Variants in CENPW observed in about 807,000 individuals in gnomAD.
The protein encoded by CENPW is centromere protein W.
A neutral mutation model predicts 11.1 loss-of-function variants in CENPW; 3 were observed. That is an observed-to-expected ratio of 0.27 (90% CI 0.12 to 0.70). The LOEUF is 0.70. CENPW is among the 30% of genes least tolerant of loss of function. The pLI is 0.77. For synonymous variants in CENPW, 38 were observed against 42.0 expected (o/e 0.91, Z 0.37); for missense variants, 100 against 105.6 (o/e 0.95, Z 0.23).
chr6:126,478,236 G>C, the CENPW span, among the ~76,000 whole-genome samples: 2 of 151,954 alleles, frequency 1.3e-5, no homozygotes, highest in Non-Finnish European at 2.9e-5. Flanking sequence ...CAATCACAGT[G>C]ATTGGTCTAA....
At chr6:126,467,050 T>C in the CENPW span, among the ~76,000 whole-genome samples, 6 of 152,196 alleles carry the variant, frequency 3.9e-5, no homozygotes, top group Admixed American at 2.6e-4. Context: ...ATTAATATCA[T>C]TAAAATGGCC....
At chr6:126,354,217 C>T in the CENPW span, among the ~76,000 whole-genome samples, 36 of 152,052 alleles carry the variant, frequency 2.4e-4, no homozygotes. Context: ...GATGGCTAAG[C>T]ACCTTAATGT....
At chr6:126,440,708 C>T in the CENPW span, among the ~76,000 whole-genome samples, 1 of 151,324 alleles carries the variant, frequency 6.6e-6, no homozygotes, top group Non-Finnish European at 1.5e-5. Context: ...CAGATATATA[C>T]CTTCTAAAAA....
the CENPW span, among the ~76,000 whole-genome samples, chr6:126,443,277 C>G: frequency 6.6e-6 from 1 of 151,128 alleles, no homozygotes; most frequent in African/African-American, 2.4e-5. Flanking sequence ...CTAATTCTTC[C>G]TTGCAATTTA....
chr6:126,410,409 C>T, the CENPW span, among the ~76,000 whole-genome samples: 1 of 152,018 alleles, frequency 6.6e-6, no homozygotes, highest in Non-Finnish European at 1.5e-5. Flanking sequence ...CTTTTCTTCT[C>T]TTGCTGTTTT....
chr6:126,468,005 C>T, the CENPW span, among the ~76,000 whole-genome samples: 1 of 152,004 alleles, frequency 6.6e-6, no homozygotes, highest in African/African-American at 2.4e-5. Context: ...AAACATTGTA[C>T]AAAATACGCA....
chr6:126,454,911 A>T, the CENPW span, among the ~76,000 whole-genome samples: 7 of 149,726 alleles, frequency 4.7e-5, no homozygotes, highest in African/African-American at 9.7e-5. Flanking sequence ...CCACAGAAAT[A>T]AAAAAAACCC....
At chr6:126,474,491 A>G in the CENPW span, among the ~76,000 whole-genome samples, 2 of 152,104 alleles carry the variant, frequency 1.3e-5, no homozygotes, top group East Asian at 1.9e-4. Context: ...ACCAAGAGCA[A>G]AGAGGTTTAG....
the CENPW span, among the ~76,000 whole-genome samples, chr6:126,359,962 C>A: frequency 1.1e-4 from 16 of 152,098 alleles, no homozygotes; most frequent in African/African-American, 3.6e-4. Context: ...AAATTTTGAT[C>A]CTATCATTGT....
chr6:126,344,122 G>C (rs141980968), intron 1 of CENPW, among the ~76,000 whole-genome samples: 119 of 152,288 alleles, frequency 7.8e-4, no homozygotes, highest in African/African-American at 2.6e-3. Context: ...AATGTGTTAA[G>C]GGACACTGGG....
chr6:126,425,316 C>T, the CENPW span, among the ~76,000 whole-genome samples: 1 of 152,200 alleles, frequency 6.6e-6, no homozygotes, highest in South Asian at 2.1e-4. Context: ...TCTTTCCTTT[C>T]CTTCTGTAGT....
the CENPW span, among the ~76,000 whole-genome samples, chr6:126,448,293 C>T: frequency 4.0e-5 from 6 of 151,206 alleles, 1 homozygote; most frequent in Admixed American, 1.3e-4. Context: ...GTGAGTGATA[C>T]CAGTGCCAGC....
chr6:126,459,647 T>A, the CENPW span, among the ~76,000 whole-genome samples: 2 of 151,590 alleles, frequency 1.3e-5, no homozygotes, highest in Admixed American at 1.3e-4. Flanking sequence ...AAATATCTTG[T>A]ATATTAGCTT....
chr6:126,471,644 A>G, the CENPW span, among the ~76,000 whole-genome samples: 1 of 152,222 alleles, frequency 6.6e-6, no homozygotes, highest in Non-Finnish European at 1.5e-5. Flanking sequence ...TCTAGAACTA[A>G]TCATAAAAAT....
chr6:126,441,186 C>G, the CENPW span, among the ~76,000 whole-genome samples: 1 of 151,328 alleles, frequency 6.6e-6, no homozygotes, highest in Non-Finnish European at 1.5e-5. Context: ...GCAATTAGTT[C>G]TGTTATGGCT....
the CENPW span, among the ~76,000 whole-genome samples, chr6:126,444,871 C>A: frequency 2.0e-5 from 3 of 151,006 alleles, no homozygotes; most frequent in Non-Finnish European, 3.0e-5. Context: ...ATGAGCCTGC[C>A]CAGTTTTGTG....
At chr6:126,399,287 G>T in the CENPW span, among the ~76,000 whole-genome samples, 1 of 151,938 alleles carries the variant, frequency 6.6e-6, no homozygotes, top group African/African-American at 2.4e-5. Context: ...ATATTATTTT[G>T]GTTGAATTCA....
the CENPW span, among the ~76,000 whole-genome samples, chr6:126,403,094 C>G: frequency 6.6e-6 from 1 of 152,044 alleles, no homozygotes; most frequent in East Asian, 1.9e-4. Flanking sequence ...AAATTATGCC[C>G]ATACAAGATG....
the CENPW span, among the ~76,000 whole-genome samples, chr6:126,361,471 A>G: frequency 6.6e-6 from 1 of 151,820 alleles, no homozygotes; most frequent in Non-Finnish European, 1.5e-5. Flanking sequence ...CATTTTTTGT[A>G]TTTTTAGTAG....
Sources: allele counts gnomAD v4.1 joint callset (sites outside exome capture counted in the v4.1 genomes callset), GRCh38; gene constraint gnomAD v4.1.1; transcripts MANE v1.5; gene names NCBI Gene and HGNC (gene_info 2026-07-23, HGNC 2026-07-21).